NTRK3: variants seen among roughly 807,000 people sequenced by gnomAD.
NTRK3 encodes NT-3 growth factor receptor.
NTRK3 carries 24 observed loss-of-function variants against 91.7 expected under a neutral mutation model. The observed-to-expected ratio is 0.26, with a 90% CI of 0.19 to 0.37. The LOEUF (loss-of-function observed/expected upper bound fraction) is 0.37, where lower values mean the gene tolerates loss of function less well. Ranked by LOEUF, NTRK3 falls within the 10% of genes least tolerant of loss-of-function variation. NTRK3 has a pLI of 1.00. For missense variants in NTRK3, 880 were observed against 1,068.9 expected (o/e 0.82, Z 2.46); for synonymous variants, 483 against 404.0 (o/e 1.20, Z -2.34).
At chr15:87,928,841 AGTTGGGT>A in intron 17 of NTRK3, 1 of 461,760 alleles carries the variant, frequency 2.2e-6, no homozygotes, top group Non-Finnish European at 3.9e-6. Flanking sequence ...TGTAGTATCA[AGTTGGGT>A]GTGTCTGTGT....
At chr15:87,898,178 C>T (rs2066240582) in intron 17 of NTRK3, among the ~76,000 whole-genome samples, 1 of 152,214 alleles carries the variant, frequency 6.6e-6, no homozygotes, top group Non-Finnish European at 1.5e-5. Context: ...CTTAGACATT[C>T]TGCCCAATTA....
intron 13 of NTRK3, among the ~76,000 whole-genome samples, chr15:88,087,424 G>C (rs1360194983): frequency 6.6e-6 from 1 of 152,164 alleles, no homozygotes; most frequent in Admixed American, 6.5e-5. Context: ...TCTTGCTAGA[G>C]GAACCATCCC....
At chr15:88,123,263 G>C (rs1478286564) in intron 13 of NTRK3, among the ~76,000 whole-genome samples, 2 of 152,172 alleles carry the variant, frequency 1.3e-5, no homozygotes, top group Non-Finnish European at 2.9e-5. Flanking sequence ...AGGAAACAGA[G>C]GCACTGAGAA....
At chr15:87,865,849 G>A in exon 19 of NTRK3, 1 of 228,712 alleles carries the variant, frequency 4.4e-6, no homozygotes, top group Non-Finnish European at 8.7e-6. Context: ...GTATTTTTTA[G>A]AGCATTCTCC....
intron 13 of NTRK3, among the ~76,000 whole-genome samples, chr15:88,115,717 AG>A (rs1215947022): frequency 4.6e-5 from 7 of 151,970 alleles, no homozygotes; most frequent in African/African-American, 1.5e-4. Context: ...AGTAAATTGG[AG>A]GGCAGGGCAG....
chr15:88,151,342 G>A (rs1318158692), intron 5 of NTRK3, among the ~76,000 whole-genome samples: 1 of 152,088 alleles, frequency 6.6e-6, no homozygotes, highest in Non-Finnish European at 1.5e-5. Flanking sequence ...GGGTGCTCCG[G>A]GAACAAGGAG....
intron 14 of NTRK3, among the ~76,000 whole-genome samples, chr15:87,989,125 C>T (rs890709375): frequency 1.3e-5 from 2 of 152,094 alleles, no homozygotes; most frequent in Non-Finnish European, 2.9e-5. Flanking sequence ...ACTAGAGATA[C>T]CATTTGATCC....
intron 3 of NTRK3, among the ~76,000 whole-genome samples, chr15:88,195,884 G>A (rs1288919113): frequency 1.3e-5 from 2 of 152,160 alleles, no homozygotes; most frequent in Non-Finnish European, 2.9e-5. Flanking sequence ...TGGCCCCAGG[G>A]GTTCTGAGAA....
intron 13 of NTRK3, among the ~76,000 whole-genome samples, chr15:88,109,893 A>G (rs903830447): frequency 2.4e-4 from 37 of 152,072 alleles, no homozygotes; most frequent in Non-Finnish European, 5.3e-4. Flanking sequence ...AAAAATCATG[A>G]TTTCTCCCCT....
intron 17 of NTRK3, among the ~76,000 whole-genome samples, chr15:87,899,582 C>T (rs1432694246): frequency 3.3e-5 from 5 of 152,112 alleles, no homozygotes; most frequent in African/African-American, 1.2e-4. Flanking sequence ...CTTTGGGCCC[C>T]CCTTTTGTTT....
chr15:87,942,244 C>T lies in NTRK3; in HGVS notation c.1586-1491G>A, dbSNP rs567440233. 8.5e-5 allele frequency among the ~76,000 whole-genome samples: 13 copies of T among 152,336 alleles called. No individual in the cohort carries two copies. In the East Asian group the frequency reaches 1.3e-3, roughly 16 times the overall value. On this transcript the variant is annotated intron_variant, in intron 14 of 18. Transcript: ENST00000394480. ...CTCCTCCCCCTAGGACAGACCTGCA[C>T]GTTAACAGCTGCTGACGACCGCTCC...
rs750451864 is a variant in NTRK3, at chr15:87,923,351, C to T, written c.2133+5840G>A. Among the ~76,000 whole-genome samples the T allele has an allele frequency of 3.3e-5, 5 of 152,144 alleles. No homozygotes were observed. In the South Asian group the frequency reaches 1.0e-3, roughly 32 times the overall value. On this transcript the variant is annotated intron_variant, in intron 17 of 18. Transcript: ENST00000394480. ...TCAGGCCAGGTCTATTAACAACATC[C>T]CACACACATTCCTTCATGCCAGTTT...
Position 87,902,182 on chromosome 15 carries a change from T to C in NTRK3, c.2134-21754A>G, listed in dbSNP as rs182255063. Among the ~76,000 whole-genome samples the C allele has an allele frequency of 7.9e-5, 12 of 152,318 alleles. No homozygotes were observed. The East Asian group carries it at 1.9e-3, about 25-fold the overall frequency. On this transcript the variant is annotated intron_variant, in intron 17 of 18. Coordinates refer to ENST00000394480, the Ensembl canonical transcript of NTRK3. ...ATCAGAAAATATCTATGTTCCTCCA[T>C]AGACAGATTGGAAAAAAGAAGCCAG...
intron 17 of NTRK3, among the ~76,000 whole-genome samples, chr15:87,896,040 T>G (rs2066103300): frequency 6.6e-6 from 1 of 152,156 alleles, no homozygotes; most frequent in South Asian, 2.1e-4. Context: ...TGTATTTGAT[T>G]GATGTCTCAT....
At chr15:88,143,636 T>C (rs1354005875) in intron 6 of NTRK3, among the ~76,000 whole-genome samples, 2 of 152,180 alleles carry the variant, frequency 1.3e-5, no homozygotes, top group African/African-American at 2.4e-5. Flanking sequence ...TGATAATATA[T>C]GTTAGCATGA....
intron 14 of NTRK3, among the ~76,000 whole-genome samples, chr15:88,019,172 G>A (rs1226329583): frequency 6.6e-6 from 1 of 152,192 alleles, no homozygotes; most frequent in East Asian, 1.9e-4. Context: ...CTCTCCCTAA[G>A]AGGAGAGATA....
At chr15:87,881,199 C>T (rs1249648971) in intron 17 of NTRK3, among the ~76,000 whole-genome samples, 1 of 152,168 alleles carries the variant, frequency 6.6e-6, no homozygotes, top group Non-Finnish European at 1.5e-5. Flanking sequence ...GCCCAGCAGG[C>T]TAGAGATGTT....
chr15:88,033,110 C>CACAG, intron 13 of NTRK3, 65 bp from the exon 14 acceptor site: 1 of 1,479,316 alleles, frequency 6.8e-7, no homozygotes, highest in Non-Finnish European at 9.1e-7. Flanking sequence ...CAGCCCTGTC[C>CACAG]ACAGACAACC....
At chr15:87,869,684 T>G (rs1277065061) in exon 19 of NTRK3, 1 of 199,136 alleles carries the variant, frequency 5.0e-6, no homozygotes, top group African/African-American at 2.3e-5. Flanking sequence ...TGAAAAAAAA[T>G]CTTCTTCACT....
Sources: allele counts gnomAD v4.1 joint callset (sites outside exome capture counted in the v4.1 genomes callset), GRCh38; gene constraint gnomAD v4.1.1; transcripts MANE v1.5; gene names NCBI Gene and HGNC (gene_info 2026-07-23, HGNC 2026-07-21).